SETD1B: variants seen among roughly 807,000 people sequenced by gnomAD.
SETD1B encodes SET domain containing 1B, histone lysine methyltransferase, also known as histone-lysine N-methyltransferase SETD1B.
SETD1B carries 7 observed loss-of-function variants against 148.0 expected under a neutral mutation model. The observed-to-expected ratio is 0.05, with a 90% CI of 0.03 to 0.09. The LOEUF (loss-of-function observed/expected upper bound fraction) is 0.09. Ranked by LOEUF, SETD1B falls within the 10% of genes least tolerant of loss-of-function variation. The probability of loss-of-function intolerance (pLI) is 1.00; values close to 1 mark genes in which losing one functional copy is unlikely to be tolerated. For missense variants in SETD1B, 2,155 were observed against 2,729.9 expected (o/e 0.79, Z 4.69); for synonymous variants, 1,361 against 1,186.5 (o/e 1.15, Z -3.02).
chr12:121,792,960 A>G, the SETD1B span, among the ~76,000 whole-genome samples: 2 of 152,124 alleles, frequency 1.3e-5, no homozygotes, highest in South Asian at 4.1e-4. Flanking sequence ...TCCTCCAAAC[A>G]CCTTCCACTT....
Position 121,809,682 on chromosome 12 carries a change from A to C in SETD1B, c.737A>C (p.Asn246Thr). The C allele has an allele frequency of 6.4e-7, 1 of 1,551,580 alleles. No homozygotes were observed. Among genetic ancestry groups the C allele is most frequent in the Non-Finnish European group, 8.7e-7 (1 of 1,146,960 alleles). ...TCCGGCTCCTCCTCTGTCACCCCCA[A>C]TAGCGGTGGGACACCCTTCTCCCAG... is the stretch of plus-strand genomic sequence containing the variant. ...CGSGSSSVTP[N>T]SGGTPFSQDT... is the part of the protein sequence containing the mutation. The change falls in exon 6 of 17, where the codon AAT becomes ACT. Residue 246 changes from asparagine to threonine, a missense_variant. Transcript: ENST00000604567.
At chr12:121,803,944 GGAGGAA>G (rs1270692927), upstream of SETD1B, 2 of 159,036 alleles carry the variant, frequency 1.3e-5, no homozygotes, top group Admixed American at 6.5e-5. This position sits in a 1 kb window ranked among gnomAD's most constrained non-coding sequence, Gnocchi z 4.7. Context: ...GGAGAGGGGA[GGAGGAA>G]GAGGAGGAGG....
chr12:121,823,266 A>G lies in SETD1B; in HGVS notation c.4687A>G (p.Ser1563Gly). The change falls in exon 12 of 17, where the codon AGC becomes GGC. Residue 1563 changes from serine to glycine, a missense_variant. Ser to Gly is a moderately conservative substitution (Grantham distance 56, BLOSUM62 0). Transcript: ENST00000604567. ...PGQPQTPVFP[S>G]THDPRTVTLD... ...CCAGCCACAGACCCCCGTCTTCCCC[A>G]GCACCCATGACCCCCGGACGGTGAC... 1.3e-6 allele frequency: 2 copies of G among 1,549,486 alleles called. No homozygotes were observed. Among genetic ancestry groups the G allele is most frequent in the East Asian group, 2.4e-5 (1 of 40,864 alleles).
chr12:121,812,002 T>A (rs1035879298), intron 6 of SETD1B, among the ~76,000 whole-genome samples: 5 of 152,162 alleles, frequency 3.3e-5, no homozygotes, highest in Admixed American at 6.5e-5. Flanking sequence ...GTGTTTACCA[T>A]GCTGACCACG....
chr12:121,811,339 G>A (rs766768648), intron 6 of SETD1B, among the ~76,000 whole-genome samples: 3 of 151,230 alleles, frequency 2.0e-5, no homozygotes, highest in Non-Finnish European at 4.4e-5. Context: ...AGAGCCTGGT[G>A]CCCTCTGAAG....
chr12:121,819,292 AGGG>A, intron 10 of SETD1B, 109 bp from the exon 11 acceptor site: 1 of 1,503,800 alleles, frequency 6.6e-7, no homozygotes, highest in Non-Finnish European at 8.8e-7. Flanking sequence ...CACATATCTG[AGGG>A]CCGTGTTCAG....
At position 121,817,760 on chromosome 12, in the gene SETD1B, C is replaced by G. The variant is rs928228014; in HGVS notation, c.3313-39C>G. On this transcript the variant is annotated intron_variant, in intron 9 of 16. Coordinates refer to ENST00000604567, the MANE Select transcript of SETD1B (RefSeq NM_001353345.2). This position sits in a 1 kb window ranked among gnomAD's most constrained non-coding sequence, Gnocchi z 8.1. Reference sequence around the variant, plus strand: ...CCGGGCCAGGCGACGAGGGCCAGACCCTTCGGCTCACCTGTCCCCACTCTT... The same window carrying G: ...CCGGGCCAGGCGACGAGGGCCAGACGCTTCGGCTCACCTGTCCCCACTCTT... 1.4e-5 allele frequency: 21 copies of G among 1,541,688 alleles called. No homozygotes were observed. Among genetic ancestry groups the G allele is most frequent in the African/African-American group, 2.7e-5 (2 of 72,854 alleles).
At chr12:121,815,893 T>C (rs920758575) in intron 7 of SETD1B, among the ~76,000 whole-genome samples, 1 of 150,246 alleles carries the variant, frequency 6.7e-6, no homozygotes, top group Admixed American at 6.7e-5. Context: ...AATGGCGTGA[T>C]CTCAGCCCTC....
chr12:121,810,277 C>T lies in SETD1B; in HGVS notation c.1332C>T (p.Ala444=), dbSNP rs991999399. ...PPPLPPAEPL[A]KEKPGTPPGP... Reference sequence around the variant, plus strand: ...CCCTGCCACCTGCTGAGCCTCTGGCCAAGGAGAAGCCAGGCACGCCACCCG... The same window carrying T: ...CCCTGCCACCTGCTGAGCCTCTGGCTAAGGAGAAGCCAGGCACGCCACCCG... Residue 444 remains alanine, a synonymous_variant, in exon 6 of 17, where the codon GCC becomes GCT. Transcript: ENST00000604567. The surrounding 1 kb of genome is among the most constrained non-coding windows in gnomAD (Gnocchi z 7.6). 5 of 1,544,388 alleles carry T rather than the reference C, an allele frequency of 3.2e-6. No individual in the cohort carries two copies. The highest frequency in any genetic ancestry group is 4.4e-6 in the Non-Finnish European group (5 of 1,146,698).
the SETD1B span, chr12:121,793,457 C>T: frequency 1.3e-6 from 2 of 1,535,306 alleles, no homozygotes; most frequent in Admixed American, 2.0e-5. Context: ...GGGTAAGGGG[C>T]GTCCCTCGCC....
the SETD1B span, chr12:121,796,040 G>A: frequency 2.7e-5 from 4 of 149,980 alleles, no homozygotes; most frequent in Non-Finnish European, 4.4e-5. Flanking sequence ...CGTTTGATTT[G>A]GACTCGACTG....
rs1380328963 is a variant in SETD1B, at chr12:121,809,785, C to T, written c.840C>T (p.Gly280=). Residue 280 remains glycine (G), a synonymous_variant, in exon 6 of 17, where the codon GGC becomes GGT. Coordinates refer to ENST00000604567, the MANE Select transcript of SETD1B (RefSeq NM_001353345.2). ...GQGTPLTPRL[G]TPFSQDSSYS... is the part of the protein sequence containing the mutation. The stretch of plus-strand genomic sequence containing the variant: ...GCACCCCGCTCACACCGCGCCTGGG[C>T]ACCCCTTTCTCACAGGACTCCAGCT... 18 of 1,551,562 alleles carry T rather than the reference C, an allele frequency of 1.2e-5. No homozygotes were observed. The highest frequency in any genetic ancestry group is 1.7e-4 in the Middle Eastern group (1 of 5,992).
chr12:121,828,217 A>C lies in SETD1B; in HGVS notation c.5727+147A>C, dbSNP rs1345585636. The C allele has an allele frequency of 1.8e-5, 19 of 1,034,438 alleles. No homozygotes were observed. In the African/African-American group the frequency reaches 2.4e-4, roughly 13 times the overall value. The allele number at this position is 1,034,438 out of a possible 1,614,324, so 64.1% of individuals were successfully genotyped here. On this transcript the variant is annotated intron_variant, in intron 16 of 16. Transcript: ENST00000604567. The stretch of plus-strand genomic sequence containing the variant: ...GGCCAAGGGTTATAGGGAGAGGAGG[A>C]CATGTGAGGTCTTTTACCAGGAGCT...
chr12:121,809,282 G>A (rs1392589902), intron 5 of SETD1B, among the ~76,000 whole-genome samples: 1 of 152,160 alleles, frequency 6.6e-6, no homozygotes, highest in Non-Finnish European at 1.5e-5. Context: ...CTGCCTGGAA[G>A]GTCTTTGATT....
chr12:121,805,096 G>A lies in SETD1B; in HGVS notation c.175-22G>A, dbSNP rs1464614971. On this transcript the variant is annotated intron_variant, in intron 2 of 16. Coordinates refer to ENST00000604567, the MANE Select transcript of SETD1B (RefSeq NM_001353345.2). This position sits in a 1 kb window ranked among gnomAD's most constrained non-coding sequence, Gnocchi z 4.2. ...GAGGGGGACCAGTTCTCTCATCCCG[G>A]CCCCCCAATTTCTCCCCACAGATGT... 3.2e-6 allele frequency: 5 copies of A among 1,548,114 alleles called. No homozygotes were observed. The highest frequency in any genetic ancestry group is 3.5e-6 in the Non-Finnish European group (4 of 1,143,844).
rs61734124 is a variant in SETD1B at position 121,810,177 on chromosome 12, C to G, written c.1232C>G (p.Pro411Arg). The change falls in exon 6 of 17, where the codon CCG (proline) becomes CGG (arginine). Residue 411 changes from proline (P) to arginine (R), a missense_variant. Pro to Arg is a moderately radical substitution (Grantham distance 103, BLOSUM62 -2). This residue lies in a region of SETD1B where 376 missense variants were observed against 385.0 expected (regional missense o/e 0.98). Coordinates refer to ENST00000604567, the MANE Select transcript of SETD1B (RefSeq NM_001353345.2). The surrounding 1 kb of genome is among the most constrained non-coding windows in gnomAD (Gnocchi z 7.6). ...QTPVAHFPPP[P>R]EEPTATAAFG... Reference sequence around the variant, plus strand: ...CCAGTGGCCCACTTCCCTCCACCCCCGGAAGAGCCCACCGCCACAGCCGCT... The same window carrying G: ...CCAGTGGCCCACTTCCCTCCACCCCGGGAAGAGCCCACCGCCACAGCCGCT... 10 of 1,549,826 alleles carry G rather than the reference C, an allele frequency of 6.5e-6. No individual in the cohort carries two copies. Among genetic ancestry groups the G allele is most frequent in the Non-Finnish European group, 8.7e-6 (10 of 1,146,822 alleles).
rs369462361 is a variant in SETD1B, at chr12:121,830,050, C to T, written c.5728-16C>T. On this transcript the variant is annotated splice_polypyrimidine_tract_variant and intron_variant, in intron 16 of 16. Transcript: ENST00000604567. The surrounding 1 kb of genome is among the most constrained non-coding windows in gnomAD (Gnocchi z 5.7). ...GGGGGACCAGGGGCTCATTCTCCCC[C>T]CCACCTTGCCTGCAGCCCAACTGCT... The T allele has an allele frequency of 2.6e-6, 4 of 1,545,406 alleles. No individual in the cohort carries two copies. The Admixed American group carries it at 5.9e-5, about 23-fold the overall frequency.
chr12:121,806,236 G>T, intron 4 of SETD1B, 131 bp downstream of exon 4: 2 of 1,008,074 alleles, frequency 2.0e-6, no homozygotes, highest in African/African-American at 1.7e-5. Flanking sequence ...TTATTTCTTA[G>T]CCCCCTCCTG....
chr12:121,820,537 A>G (rs1272559985), intron 11 of SETD1B, among the ~76,000 whole-genome samples: 2 of 151,754 alleles, frequency 1.3e-5, no homozygotes, highest in African/African-American at 4.8e-5. Flanking sequence ...TTTTATTTTT[A>G]TTTTTATTTT....
Sources: gnomAD v4.1 joint callset for allele counts (sites outside exome capture counted in the v4.1 genomes callset) on GRCh38, gnomAD v4.1.1 for gene constraint, gnomAD v4.1.1 regional missense constraint, Gnocchi (gnomAD v3.1) non-coding constraint, MANE v1.5 for transcripts, NCBI Gene and HGNC (gene_info 2026-07-23, HGNC 2026-07-21) for gene names.